Variants in CDK14 observed in about 807,000 individuals in gnomAD.
CDK14 encodes the protein cyclin-dependent kinase 14.
In CDK14, 34 loss-of-function variants were observed where a neutral mutation model predicts 60.7. The ratio of observed to expected loss-of-function variants is 0.56; its 90% confidence interval spans 0.43 to 0.75. The LOEUF is 0.75. Ranked by LOEUF, CDK14 falls within the 30% of genes least tolerant of loss-of-function variation. CDK14 has a pLI of 0.00. For synonymous variants in CDK14, 197 were observed against 203.7 expected, an observed-to-expected ratio of 0.97 and a Z score of 0.28; for missense variants, 482 against 564.1, an observed-to-expected ratio of 0.85 and a Z score of 1.47.
At chr7:91,087,416 T>C (rs1798671522) in intron 12 of CDK14, among the ~76,000 whole-genome samples, 1 of 152,292 alleles carries the variant, frequency 6.6e-6, no homozygotes, top group African/African-American at 2.4e-5. Context: ...AATTAAATGC[T>C]TGGAGCCAGC....
intron 5 of CDK14, among the ~76,000 whole-genome samples, chr7:90,820,353 C>T (rs1789501456): frequency 6.6e-6 from 1 of 152,144 alleles, no homozygotes; most frequent in South Asian, 2.1e-4. Context: ...ACCCAAATCT[C>T]ATCTCAAATT....
chr7:91,093,174 T>C (rs778374213), intron 12 of CDK14, among the ~76,000 whole-genome samples: 6 of 152,290 alleles, frequency 3.9e-5, no homozygotes, highest in Non-Finnish European at 8.8e-5. Context: ...GATGTGTGCG[T>C]GTCACTCTAT....
rs533407104 is a variant in CDK14, at chr7:90,722,938, CTT to C, written c.124-3623_124-3622del. On this transcript the variant is annotated intron_variant, in intron 2 of 14. Transcript: ENST00000380050. ...TCTGTTTCCTGAAGCCAACAAATGA[CTT>C]TTTTTGCTTTATTGTATTTTCTAGA... 7.2e-5 allele frequency among the ~76,000 whole-genome samples: 11 copies of C among 152,220 alleles called. 1 individual carries two copies. The South Asian group carries it at 1.7e-3, about 23-fold the overall frequency.
At chr7:91,062,636 C>T (rs942045637) in intron 11 of CDK14, among the ~76,000 whole-genome samples, 1 of 152,160 alleles carries the variant, frequency 6.6e-6, no homozygotes, top group Non-Finnish European at 1.5e-5. Context: ...CATTGCATAG[C>T]TCTTTCCTGT....
At chr7:90,608,612 C>T (rs1251312444) in intron 2 of CDK14, 1 of 818,732 alleles carries the variant, frequency 1.2e-6, no homozygotes. Context: ...TAGAATAAAC[C>T]TTTGAAATGC....
chr7:91,091,717 GGAAA>G (rs1218687867), intron 12 of CDK14, among the ~76,000 whole-genome samples: 11 of 98,400 alleles, frequency 1.1e-4, no homozygotes, highest in East Asian at 7.3e-4. Context: ...AGGGAGGGAA[GGAAA>G]GAAGGAAGGA....
chr7:90,787,381 G>A (rs1274571658), intron 4 of CDK14, among the ~76,000 whole-genome samples: 2 of 152,120 alleles, frequency 1.3e-5, no homozygotes, highest in Non-Finnish European at 2.9e-5. Context: ...ATATGTAGAT[G>A]CAGTAAACAT....
chr7:90,766,178 AT>A (rs1439346131), intron 4 of CDK14, among the ~76,000 whole-genome samples: 1 of 151,254 alleles, frequency 6.6e-6, no homozygotes, highest in Non-Finnish European at 1.5e-5. Context: ...ACTAGTTGTG[AT>A]TTTTTTTAAT....
At chr7:90,912,626 G>C (rs1401835707) in intron 7 of CDK14, among the ~76,000 whole-genome samples, 1 of 152,086 alleles carries the variant, frequency 6.6e-6, no homozygotes, top group Non-Finnish European at 1.5e-5. Context: ...GTTTGTTTTT[G>C]AGGCAGAGTC....
At chr7:90,948,058 TA>T (rs1322491857) in intron 8 of CDK14, among the ~76,000 whole-genome samples, 1 of 152,210 alleles carries the variant, frequency 6.6e-6, no homozygotes, top group Non-Finnish European at 1.5e-5. Context: ...ACAAATGCCT[TA>T]AAAGTTCTGA....
Position 91,035,237 on chromosome 7 carries a change from ACT to A in CDK14, c.1042-10657_1042-10656del, listed in dbSNP as rs369509244. ...TGTGTGACCTCATCTTGTCACCCAG[ACT>A]CTGTTGTATATTACCTCAGGATTAA... On this transcript the variant is annotated intron_variant, in intron 10 of 14. Transcript: ENST00000380050. Among the ~76,000 whole-genome samples the A allele has an allele frequency of 9.9e-5, 15 of 151,956 alleles. No individual in the cohort carries two copies. In the South Asian group the frequency reaches 3.1e-3, roughly 32 times the overall value.
intron 2 of CDK14, among the ~76,000 whole-genome samples, chr7:90,702,867 G>A (rs1026267837): frequency 5.3e-5 from 8 of 152,040 alleles, no homozygotes; most frequent in African/African-American, 1.9e-4. Flanking sequence ...TATTTGGCAG[G>A]CTCTTTTAAG....
At chr7:90,770,490 G>T (rs572818021) in intron 4 of CDK14, among the ~76,000 whole-genome samples, 7 of 152,074 alleles carry the variant, frequency 4.6e-5, no homozygotes, top group African/African-American at 1.7e-4. Context: ...TTACTTCACT[G>T]GTTCTTAATT....
intron 5 of CDK14, among the ~76,000 whole-genome samples, chr7:90,851,049 A>T (rs1269253353): frequency 1.3e-5 from 2 of 152,190 alleles, no homozygotes; most frequent in African/African-American, 4.8e-5. Context: ...CAGCAAAAAA[A>T]CTAGGAATGG....
At chr7:91,140,775 C>T (rs1800432202) in intron 14 of CDK14, among the ~76,000 whole-genome samples, 1 of 152,130 alleles carries the variant, frequency 6.6e-6, no homozygotes, top group Non-Finnish European at 1.5e-5. Flanking sequence ...TAGCACAATA[C>T]TTGCTTGCTC....
intron 2 of CDK14, among the ~76,000 whole-genome samples, chr7:90,695,289 A>G (rs552972726): frequency 6.6e-5 from 10 of 152,262 alleles, no homozygotes; most frequent in Non-Finnish European, 1.5e-4. Flanking sequence ...CCCTGACATT[A>G]TGAGGTCCTA....
intron 12 of CDK14, among the ~76,000 whole-genome samples, chr7:91,101,913 G>T (rs1799156091): frequency 3.3e-5 from 5 of 152,270 alleles, no homozygotes; most frequent in Admixed American, 3.3e-4. Flanking sequence ...CTCCCTCTAA[G>T]ACAAAAAGCT....
chr7:91,129,206 G>A (rs957737108), intron 14 of CDK14, among the ~76,000 whole-genome samples: 4 of 152,278 alleles, frequency 2.6e-5, no homozygotes, highest in Admixed American at 2.6e-4. Context: ...TTTACACTGT[G>A]TTGACATTTG....
intron 14 of CDK14, among the ~76,000 whole-genome samples, chr7:91,147,141 G>GTCTCTCTCTCTCTCTCTCTCTC (rs150638262): frequency 1.3e-5 from 1 of 79,134 alleles, no homozygotes; most frequent in African/African-American, 4.5e-5. Context: ...ACCTCTCTCT[G>GTCTCTCTCTCTCTCTCTCTCTC]TCTCTCTCTC....
Sources: allele counts gnomAD v4.1 joint callset (sites outside exome capture counted in the v4.1 genomes callset), GRCh38; gene constraint gnomAD v4.1.1; transcripts MANE v1.5; gene names NCBI Gene and HGNC (gene_info 2026-07-23, HGNC 2026-07-21).